The following TMEM132D variants were observed in gnomAD, a reference collection of about 807,000 sequenced individuals.
The protein encoded by TMEM132D is transmembrane protein 132D.
In TMEM132D, 21 loss-of-function variants were observed where a neutral mutation model predicts 62.3. That is an observed-to-expected ratio of 0.34 (90% CI 0.24 to 0.49). The LOEUF is 0.49. TMEM132D is among the 20% of genes least tolerant of loss of function. The pLI is 0.99. For missense variants in TMEM132D, 1,346 were observed against 1,402.8 expected (o/e 0.96, Z 0.65); for synonymous variants, 621 against 575.6 (o/e 1.08, Z -1.13).
At chr12:129,077,916 GACAC>G (rs1175711972) in intron 8 of TMEM132D, among the ~76,000 whole-genome samples, 2 of 151,876 alleles carry the variant, frequency 1.3e-5, no homozygotes, top group African/African-American at 4.8e-5. Flanking sequence ...ACAACACATA[GACAC>G]ACAACACACA....
chr12:129,404,197 G>GTTAT (rs10528429), intron 3 of TMEM132D, among the ~76,000 whole-genome samples: 24,642 of 151,636 alleles, frequency 0.16, 2,316 homozygotes, highest in Non-Finnish European at 0.21. Flanking sequence ...GGGTTATTTA[G>GTTAT]TTATTTATTT....
At chr12:129,871,952 G>A (rs1223997800) in intron 1 of TMEM132D, among the ~76,000 whole-genome samples, 4 of 152,182 alleles carry the variant, frequency 2.6e-5, no homozygotes, top group Non-Finnish European at 5.9e-5. Context: ...GGATGGAACA[G>A]ACAATGTCTG....
At chr12:129,711,834 A>T (rs1176412641) in intron 1 of TMEM132D, among the ~76,000 whole-genome samples, 1 of 148,776 alleles carries the variant, frequency 6.7e-6, no homozygotes. Flanking sequence ...TATATAAAGG[A>T]TTATAAAAAA....
intron 2 of TMEM132D, among the ~76,000 whole-genome samples, chr12:129,595,016 A>T (rs768956308): frequency 6.6e-6 from 1 of 152,258 alleles, no homozygotes; most frequent in African/African-American, 2.4e-5. Flanking sequence ...TTTGTTTTAC[A>T]TAGGAGGAAG....
intron 1 of TMEM132D, among the ~76,000 whole-genome samples, chr12:129,829,148 C>A (rs374201350): frequency 6.6e-6 from 1 of 152,074 alleles, no homozygotes; most frequent in African/African-American, 2.4e-5. Flanking sequence ...CAGCAGCATT[C>A]CTAGCTGATA....
chr12:129,204,594 G>C (rs767007038), intron 5 of TMEM132D, among the ~76,000 whole-genome samples: 1 of 152,154 alleles, frequency 6.6e-6, no homozygotes, highest in Admixed American at 6.5e-5. Context: ...AAGCAACTTG[G>C]AAAACATATT....
At chr12:129,223,180 T>C (rs1879391882) in intron 4 of TMEM132D, among the ~76,000 whole-genome samples, 1 of 152,022 alleles carries the variant, frequency 6.6e-6, no homozygotes, top group South Asian at 2.1e-4. Context: ...AGGCCGGTCT[T>C]AGGACTCACC....
chr12:129,716,145 GC>G (rs1430440962), intron 1 of TMEM132D, among the ~76,000 whole-genome samples: 26 of 152,280 alleles, frequency 1.7e-4, no homozygotes, highest in Admixed American at 2.6e-4. Context: ...TTCAGGAACT[GC>G]TTTTCTATTC....
At position 129,307,208 on chromosome 12, in the gene TMEM132D, T is replaced by G. The variant is rs191235030; in HGVS notation, c.1299+30426A>C. Among the ~76,000 whole-genome samples, 4 of 152,248 alleles carry G rather than the reference T, an allele frequency of 2.6e-5. No individual in the cohort carries two copies. In the East Asian group the frequency reaches 7.7e-4, roughly 29 times the overall value. On this transcript the variant is annotated intron_variant, in intron 4 of 8. Transcript: ENST00000422113. ...TAATGCAGAAGGATTTTAAAGAGTT[T>G]CTAGGAGATTTAGAGAGAAACTCGA...
intron 2 of TMEM132D, among the ~76,000 whole-genome samples, chr12:129,635,096 AAAG>A (rs1171575182): frequency 8.5e-5 from 13 of 152,248 alleles, no homozygotes; most frequent in African/African-American, 2.4e-4. Flanking sequence ...ACATGATCAT[AAAG>A]AAGAACACTT....
At chr12:129,530,186 T>G (rs1466276609) in intron 3 of TMEM132D, among the ~76,000 whole-genome samples, 1 of 152,166 alleles carries the variant, frequency 6.6e-6, no homozygotes, top group Non-Finnish European at 1.5e-5. Context: ...ATCATAATAG[T>G]TATCAGCTGA....
At chr12:129,216,758 G>C (rs1203366895) in intron 4 of TMEM132D, among the ~76,000 whole-genome samples, 1 of 152,188 alleles carries the variant, frequency 6.6e-6, no homozygotes, top group African/African-American at 2.4e-5. Flanking sequence ...GATGCCAGAA[G>C]CATGGCCACA....
At chr12:129,105,212 C>T (rs1194814256) in intron 5 of TMEM132D, among the ~76,000 whole-genome samples, 1 of 136,404 alleles carries the variant, frequency 7.3e-6, no homozygotes. Flanking sequence ...ACTATGCAGC[C>T]ATAAAAAAGG....
chr12:129,599,939 T>G (rs1195573076), intron 2 of TMEM132D, among the ~76,000 whole-genome samples: 1 of 152,292 alleles, frequency 6.6e-6, no homozygotes, highest in African/African-American at 2.4e-5. Context: ...ACTAATCAGG[T>G]TGGGGACTGC....
At chr12:129,879,591 TG>T (rs1874532564) in intron 1 of TMEM132D, among the ~76,000 whole-genome samples, 1 of 151,762 alleles carries the variant, frequency 6.6e-6, no homozygotes, top group South Asian at 2.1e-4. Context: ...GAGACGATGG[TG>T]GAAAAGGTGG....
chr12:129,354,689 T>A (rs1869982063), intron 3 of TMEM132D, among the ~76,000 whole-genome samples: 1 of 152,172 alleles, frequency 6.6e-6, no homozygotes, highest in South Asian at 2.1e-4. Flanking sequence ...CCCCATGTAA[T>A]CTTCACAGTA....
intron 1 of TMEM132D, among the ~76,000 whole-genome samples, chr12:129,743,365 C>T (rs996629574): frequency 3.3e-5 from 5 of 152,154 alleles, no homozygotes; most frequent in African/African-American, 1.2e-4. Flanking sequence ...CTGCTGTTCG[C>T]ACGATAGTAA....
intron 5 of TMEM132D, among the ~76,000 whole-genome samples, chr12:129,089,473 A>C (rs1437122354): frequency 1.5e-3 from 37 of 25,132 alleles, no homozygotes; most frequent in African/African-American, 6.4e-3. Context: ...GGTGTCCTCC[A>C]TGACCGGGTG....
In TMEM132D at chr12:129,360,767, T is replaced by C. The variant is rs1870221241; in HGVS notation, c.1116-22950A>G. 2.0e-5 allele frequency among the ~76,000 whole-genome samples: 3 copies of C among 152,208 alleles called. No homozygotes were observed. The South Asian group carries it at 6.2e-4, about 31-fold the overall frequency. Reference sequence around the variant, plus strand: ...CGTCCAAACAGGGATGAGGTCAACATGGCTGCCATCCTCTTAGCTAAGCCA... The same window carrying C: ...CGTCCAAACAGGGATGAGGTCAACACGGCTGCCATCCTCTTAGCTAAGCCA... On this transcript the variant is annotated intron_variant, in intron 3 of 8. Coordinates refer to ENST00000422113, the MANE Select transcript of TMEM132D (RefSeq NM_133448.3).
Sources: allele counts gnomAD v4.1 joint callset (sites outside exome capture counted in the v4.1 genomes callset), GRCh38; gene constraint gnomAD v4.1.1; transcripts MANE v1.5; gene names NCBI Gene and HGNC (gene_info 2026-07-23, HGNC 2026-07-21).